Variants in ADAM18 observed in about 807,000 individuals in gnomAD.
ADAM18 encodes the protein disintegrin and metalloproteinase domain-containing protein 18.
Under a neutral mutation model 94.4 loss-of-function variants are expected in ADAM18, and 117 were observed. The observed-to-expected ratio is 1.24, with a 90% CI of 1.07 to 1.45. The LOEUF is 1.45. ADAM18 is among the 40% of genes most tolerant of loss of function. ADAM18 has a pLI of 0.00. For synonymous variants in ADAM18, 327 were observed against 291.6 expected, an observed-to-expected ratio of 1.12 and a Z score of -1.24; for missense variants, 936 against 880.0, an observed-to-expected ratio of 1.06 and a Z score of -0.81.
chr8:39,662,074 G>T (rs1017436208), intron 12 of ADAM18, among the ~76,000 whole-genome samples: 1 of 151,820 alleles, frequency 6.6e-6, no homozygotes, highest in Non-Finnish European at 1.5e-5. Context: ...AAATAAAATT[G>T]CACAAATGCA....
chr8:39,608,758 G>A (rs1819169150), intron 3 of ADAM18, among the ~76,000 whole-genome samples: 2 of 152,088 alleles, frequency 1.3e-5, no homozygotes, highest in Admixed American at 1.3e-4. Flanking sequence ...GGGTCCGTCA[G>A]ATAGTGAACA....
At chr8:39,701,143 AAAAAAAT>A (rs1563312451) in intron 17 of ADAM18, among the ~76,000 whole-genome samples, 9 of 142,772 alleles carry the variant, frequency 6.3e-5, no homozygotes, top group African/African-American at 2.4e-4. Flanking sequence ...AAAAAAAAAA[AAAAAAAT>A]TTATTGTAAT....
chr8:39,684,910 C>T (rs1821568115), intron 16 of ADAM18, among the ~76,000 whole-genome samples: 1 of 152,080 alleles, frequency 6.6e-6, no homozygotes, highest in Admixed American at 6.6e-5. Context: ...CATTGTGAAA[C>T]TCCCTGTTCT....
chr8:39,623,522 A>G (rs1471690624), intron 6 of ADAM18, among the ~76,000 whole-genome samples: 1 of 140,508 alleles, frequency 7.1e-6, no homozygotes, highest in East Asian at 2.1e-4. Flanking sequence ...TTTTTTTTTT[A>G]GTTTTTTAAT....
chr8:39,644,029 T>G (rs1172763465), intron 10 of ADAM18, among the ~76,000 whole-genome samples: 1 of 152,072 alleles, frequency 6.6e-6, no homozygotes, highest in African/African-American at 2.4e-5. Context: ...TTTTTTCATA[T>G]TGCCAATTCT....
At chr8:39,636,418 T>A (rs1030323049) in intron 7 of ADAM18, among the ~76,000 whole-genome samples, 1 of 152,206 alleles carries the variant, frequency 6.6e-6, no homozygotes, top group African/African-American at 2.4e-5. Context: ...GCAAATGCCA[T>A]TTTAAATAAT....
At chr8:39,589,354 A>G (rs1408096633) in intron 2 of ADAM18, among the ~76,000 whole-genome samples, 1 of 152,218 alleles carries the variant, frequency 6.6e-6, no homozygotes, top group Non-Finnish European at 1.5e-5. Flanking sequence ...TGTCTGCACA[A>G]GACATATATA....
intron 19 of ADAM18, among the ~76,000 whole-genome samples, chr8:39,727,365 A>G (rs990496159): frequency 1.3e-5 from 2 of 152,180 alleles, no homozygotes; most frequent in African/African-American, 4.8e-5. Flanking sequence ...AAAATTTTTC[A>G]AACTGTTATG....
chr8:39,634,313 G>A (rs1820016619), intron 7 of ADAM18, among the ~76,000 whole-genome samples: 1 of 152,148 alleles, frequency 6.6e-6, no homozygotes, highest in South Asian at 2.1e-4. Flanking sequence ...GTCAAAGGAT[G>A]CCTCAGAGAG....
intron 10 of ADAM18, among the ~76,000 whole-genome samples, chr8:39,641,999 C>T (rs963180160): frequency 2.6e-5 from 4 of 152,102 alleles, no homozygotes; most frequent in Admixed American, 2.6e-4. Context: ...ATTTGCATTT[C>T]TCTAATGATC....
At chr8:39,588,142 C>T (rs1818460149) in intron 2 of ADAM18, among the ~76,000 whole-genome samples, 1 of 151,998 alleles carries the variant, frequency 6.6e-6, no homozygotes, top group African/African-American at 2.4e-5. Context: ...CACCATTCTC[C>T]ATTCCCACCA....
intron 12 of ADAM18, among the ~76,000 whole-genome samples, chr8:39,661,238 C>T (rs546912796): frequency 1.1e-4 from 17 of 148,476 alleles, no homozygotes; most frequent in Non-Finnish European, 2.4e-4. Flanking sequence ...CTGCAGGCTC[C>T]GCCTCCTGGG....
chr8:39,652,325 T>G (rs1259665560), intron 12 of ADAM18, among the ~76,000 whole-genome samples: 1 of 152,106 alleles, frequency 6.6e-6, no homozygotes, highest in African/African-American at 2.4e-5. Flanking sequence ...TATAAAAATA[T>G]ATAAAGAACT....
intron 14 of ADAM18, among the ~76,000 whole-genome samples, chr8:39,668,524 T>A (rs1229624143): frequency 1.3e-5 from 2 of 152,190 alleles, no homozygotes; most frequent in Non-Finnish European, 2.9e-5. Context: ...ACATTCATGA[T>A]TTAATTTTAA....
intron 16 of ADAM18, among the ~76,000 whole-genome samples, chr8:39,689,937 G>T (rs1821723658): frequency 6.6e-6 from 1 of 152,138 alleles, no homozygotes; most frequent in African/African-American, 2.4e-5. Flanking sequence ...GTATTCCTAG[G>T]TATTCTGTGT....
chr8:39,637,024 TA>T (rs1820093652), intron 7 of ADAM18, among the ~76,000 whole-genome samples: 1 of 48,446 alleles, frequency 2.1e-5, no homozygotes, highest in Non-Finnish European at 3.8e-5. Flanking sequence ...GTATTTTATA[TA>T]TATATATATA....
At chr8:39,729,298 A>C (rs1299132298) in intron 19 of ADAM18, among the ~76,000 whole-genome samples, 3 of 152,210 alleles carry the variant, frequency 2.0e-5, no homozygotes, top group Admixed American at 1.3e-4. Flanking sequence ...ACTTAGTACT[A>C]CTGAACTGTA....
chr8:39,712,805 G>T (rs1822453073), intron 18 of ADAM18, among the ~76,000 whole-genome samples: 2 of 152,254 alleles, frequency 1.3e-5, no homozygotes, highest in South Asian at 2.1e-4. Flanking sequence ...CAAAGAAATG[G>T]AAGAACAGTC....
intron 12 of ADAM18, among the ~76,000 whole-genome samples, chr8:39,654,154 C>CTTTTTT (rs1177248372): frequency 7.2e-6 from 1 of 139,852 alleles, no homozygotes; most frequent in Non-Finnish European, 1.5e-5. Flanking sequence ...GATTTCATTC[C>CTTTTTT]TTTTTTTTTT....
Sources: gnomAD v4.1 joint callset for allele counts (sites outside exome capture counted in the v4.1 genomes callset) on GRCh38, gnomAD v4.1.1 for gene constraint, MANE v1.5 for transcripts, NCBI Gene and HGNC (gene_info 2026-07-23, HGNC 2026-07-21) for gene names.